Variants in AGXT observed in about 807,000 individuals in gnomAD.
The protein encoded by AGXT is L-alanine: glyoxylate aminotransferase 1.
Under a neutral mutation model 46.9 loss-of-function variants are expected in AGXT, and 41 were observed. The observed-to-expected ratio is 0.88, with a 90% CI of 0.68 to 1.14. The LOEUF is 1.14. AGXT is among the 50% of genes most tolerant of loss of function. AGXT has a pLI of 0.00. For missense variants in AGXT, 525 were observed against 522.7 expected (o/e 1.00, Z -0.04); for synonymous variants, 244 against 227.9 (o/e 1.07, Z -0.64).
At chr2:240,877,425 C>A in intron 8 of AGXT, 112 bp from the exon 9 acceptor site, 1 of 1,055,920 alleles carries the variant, frequency 9.5e-7, no homozygotes, top group Non-Finnish European at 1.4e-6. Flanking sequence ...GCTCCAGGGG[C>A]TCCCCTGCAC....
intron 9 of AGXT, 55 bp downstream of exon 9, chr2:240,877,687 C>G: frequency 6.6e-7 from 1 of 1,518,836 alleles, no homozygotes; most frequent in East Asian, 2.5e-5. Flanking sequence ...GGATGAGGGG[C>G]TCTTGCCCAG....
chr2:240,869,425 C>A, intron 2 of AGXT, 63 bp downstream of exon 2: 1 of 1,335,260 alleles, frequency 7.5e-7, no homozygotes, highest in South Asian at 1.4e-5. Context: ...CCTGGCCTCC[C>A]TCTGTTTGAA....
At chr2:240,877,509 C>CT in intron 8 of AGXT, 28 bp from the exon 9 acceptor site, 4 of 1,533,344 alleles carry the variant, frequency 2.6e-6, no homozygotes, top group Non-Finnish European at 3.5e-6. Context: ...ACCCATGTCA[C>CT]TGCCCACCAG....
Position 240,878,734 on chromosome 2 carries a change from G to A in AGXT, c.1092G>A (p.Leu364=). 1.3e-6 allele frequency: 2 copies of A among 1,570,772 alleles called. No individual in the cohort carries two copies. The highest frequency in any genetic ancestry group is 8.6e-7 in the Non-Finnish European group (1 of 1,162,108). The change falls in exon 11 of 11, where the codon CTG becomes CTA. Residue 364 remains leucine (L), a synonymous_variant. Coordinates refer to ENST00000307503, the MANE Select transcript of AGXT (RefSeq NM_000030.3). ...STGKVLRIGL[L]GCNATRENVD... ...CCCAGGTGCTGCGGATCGGCCTGCT[G>A]GGCTGCAATGCCACCCGCGAGAATG...
chr2:240,877,294 G>A, intron 8 of AGXT: 1 of 677,880 alleles, frequency 1.5e-6, no homozygotes, highest in Non-Finnish European at 2.7e-6. Flanking sequence ...TTCTCCCCCA[G>A]GGGCCACAGG....
rs369664123 is a variant in AGXT at position 240,878,753 on chromosome 2, G to A, written c.1111G>A (p.Glu371Lys). Residue 371 changes from glutamate (E) to lysine (K), a missense_variant, in exon 11 of 11, where the codon GAG becomes AAG. Glu to Lys is a moderately conservative substitution (Grantham distance 56). Coordinates refer to ENST00000307503, the MANE Select transcript of AGXT (RefSeq NM_000030.3). ...IGLLGCNATR[E>K]NVDRVTEALR... Reference sequence around the variant, plus strand: ...CCTGCTGGGCTGCAATGCCACCCGCGAGAATGTGGACCGCGTGACGGAGGC... The same window carrying A: ...CCTGCTGGGCTGCAATGCCACCCGCAAGAATGTGGACCGCGTGACGGAGGC... 220 of 1,587,266 alleles carry A rather than the reference G, an allele frequency of 1.4e-4. No homozygotes were observed. The highest frequency in any genetic ancestry group is 1.0e-4 in the Non-Finnish European group (118 of 1,170,642).
At chr2:240,870,729 G>T in intron 3 of AGXT, 21 bp downstream of exon 3, 1 of 1,551,394 alleles carries the variant, frequency 6.4e-7, no homozygotes, top group South Asian at 1.2e-5. Context: ...CGGGGTGGGG[G>T]TCAGGGCCGG....
At position 240,872,985 on chromosome 2, in the gene AGXT, G is replaced by A. The variant is rs1425185506; in HGVS notation, c.531G>A (p.Lys177=). The A allele has an allele frequency of 1.9e-6, 3 of 1,613,850 alleles. No individual in the cohort carries two copies. Among genetic ancestry groups the A allele is most frequent in the South Asian group, 1.1e-5 (1 of 91,080 alleles). Residue 177 remains lysine, a synonymous_variant, in exon 5 of 11, where the codon AAG becomes AAA. Coordinates refer to ENST00000307503, the MANE Select transcript of AGXT (RefSeq NM_000030.3). ...DGFGELCHRY[K]CLLLVDSVAS... The stretch of plus-strand genomic sequence containing the variant: ...CTGTCCCCCACCTCTCCAGGTACAA[G>A]TGCCTGCTCCTGGTGGATTCGGTGG...
At position 240,874,990 on chromosome 2, in the gene AGXT, C is replaced by T. The variant is rs569297663; in HGVS notation, c.681-119C>T. ...CCCCTGAGCACAAATGCAGCTGGGG[C>T]GGGCCCTCCTGGGGGCCCCACCCCG... On this transcript the variant is annotated intron_variant, in intron 6 of 10. Coordinates refer to ENST00000307503, the MANE Select transcript of AGXT (RefSeq NM_000030.3). 7.5e-5 allele frequency: 61 copies of T among 818,152 alleles called. 2 individuals carry two copies. Among genetic ancestry groups the T allele is most frequent in the South Asian group, 3.7e-4 (26 of 69,684 alleles). The allele number at this position is 818,152 out of a possible 1,614,324, so 50.7% of individuals were successfully genotyped here. A position where few individuals can be genotyped will look rare whatever the true frequency, so the allele number is the denominator to read the frequency against.
chr2:240,879,890 C>T lies in AGXT; in HGVS notation c.*1069C>T, dbSNP rs2059048966. 6.6e-6 allele frequency: 1 copy of T among 152,222 alleles called. No homozygotes were observed. Among genetic ancestry groups the T allele is most frequent in the Non-Finnish European group, 1.5e-5 (1 of 68,054 alleles). 9.4% of individuals were successfully genotyped at this position (152,222 alleles called of 1,614,324 possible). A position where few individuals can be genotyped will look rare whatever the true frequency, so the allele number is the denominator to read the frequency against. On this transcript the variant is annotated 3_prime_UTR_variant, in exon 11 of 11. Coordinates refer to ENST00000307503, the MANE Select transcript of AGXT (RefSeq NM_000030.3). The stretch of plus-strand genomic sequence containing the variant: ...TCTTTCACTTACTGTTTTTGACACT[C>T]ACATGTACCGTCGTGGGCGCCGGTG...
chr2:240,879,203 C>T lies in AGXT; in HGVS notation c.*382C>T, dbSNP rs898850099. On this transcript the variant is annotated 3_prime_UTR_variant, in exon 11 of 11. Coordinates refer to ENST00000307503, the MANE Select transcript of AGXT (RefSeq NM_000030.3). The stretch of plus-strand genomic sequence containing the variant: ...TGATTGTGGACTTTAGGGGGACACT[C>T]CTCATCCTGGAGCCCACAGGGTAGA... 6.0e-6 allele frequency: 2 copies of T among 333,676 alleles called. No individual in the cohort carries two copies. Among genetic ancestry groups the T allele is most frequent in the Non-Finnish European group, 1.1e-5 (2 of 174,602 alleles). The allele number at this position is 333,676 out of a possible 1,614,324, so 20.7% of individuals were successfully genotyped here.
rs117043148 is a variant in AGXT at position 240,870,737 on chromosome 2, C to T, written c.423+29C>T. 6,655 of 1,548,712 alleles carry T rather than the reference C, an allele frequency of 4.3e-3. 185 individuals carry two copies. The East Asian group carries it at 0.075, about 17-fold the overall frequency. On this transcript the variant is annotated intron_variant, in intron 3 of 10. Coordinates refer to ENST00000307503, the MANE Select transcript of AGXT (RefSeq NM_000030.3). ...GGGGACCCGGGGTGGGGGTCAGGGC[C>T]GGGAGGAGGTGGGAGTGGGCATGCT...
chr2:240,871,282 G>GGGTTTGT (rs1386852485), intron 3 of AGXT, 67 bp from the exon 4 acceptor site: 9 of 1,367,726 alleles, frequency 6.6e-6, no homozygotes, highest in Non-Finnish European at 8.1e-6. Context: ...CACCCATGGG[G>GGGTTTGT]GGTTTGTGGG....
Position 240,873,499 on chromosome 2 carries a change from C to T in AGXT, c.595+450C>T, listed in dbSNP as rs1382056894. 2.3e-5 allele frequency: 6 copies of T among 259,060 alleles called. No individual in the cohort carries two copies. In the East Asian group the frequency reaches 5.2e-4, roughly 22 times the overall value. 16.0% of individuals were successfully genotyped at this position (259,060 alleles called of 1,614,324 possible). ...CGCAGGGAACCTCAACCAGGCCGGC[C>T]GAGGGGCCAAGGAGCCTCCTGTGCC... On this transcript the variant is annotated intron_variant, in intron 5 of 10. Transcript: ENST00000307503.
At chr2:240,869,085 G>A (rs973363987) in intron 1 of AGXT, 55 bp downstream of exon 1, 25 of 1,611,640 alleles carry the variant, frequency 1.6e-5, no homozygotes, top group Non-Finnish European at 2.1e-5. Context: ...CCCACCCACA[G>A]ATCGTGGACG....
In AGXT at chr2:240,879,106, G is replaced by A. The variant is rs567385270; in HGVS notation, c.*285G>A. On this transcript the variant is annotated 3_prime_UTR_variant, in exon 11 of 11. Coordinates refer to ENST00000307503, the MANE Select transcript of AGXT (RefSeq NM_000030.3). ...CCGGGAATGTTTAATAAAGGGCCTG[G>A]CCAACTCTCCTCACTGTGTGGGGTG... 253 of 555,790 alleles carry A rather than the reference G, an allele frequency of 4.6e-4. 4 individuals are homozygous for A. The South Asian group carries it at 4.9e-3, about 11-fold the overall frequency. 34.4% of individuals were successfully genotyped at this position (555,790 alleles called of 1,614,324 possible). A position where few individuals can be genotyped will look rare whatever the true frequency, so the allele number is the denominator to read the frequency against.
In AGXT at chr2:240,868,845, G is replaced by T; in HGVS notation, c.-21G>T. ...GGCCAGTGCAGCCCCAGGTTCCCGA[G>T]CGGCAGGTTGGGTGCGGACCATGGC... On this transcript the variant is annotated 5_prime_UTR_variant, in exon 1 of 11. Coordinates refer to ENST00000307503, the MANE Select transcript of AGXT (RefSeq NM_000030.3). The T allele has an allele frequency of 6.2e-7, 1 of 1,603,666 alleles. No individual in the cohort carries two copies. Among genetic ancestry groups the T allele is most frequent in the African/African-American group, 1.3e-5 (1 of 74,882 alleles).
At chr2:240,874,090 G>A (rs1267238103) in intron 6 of AGXT, 28 bp downstream of exon 6, 1 of 1,608,856 alleles carries the variant, frequency 6.2e-7, no homozygotes, top group Middle Eastern at 1.7e-4. Context: ...CCTCACCTCT[G>A]TGCAGGGCTG....
At position 240,868,846 on chromosome 2, in the gene AGXT, C is replaced by A. The variant is rs372170207; in HGVS notation, c.-20C>A. 5.0e-6 allele frequency: 8 copies of A among 1,603,692 alleles called. No homozygotes were observed. The South Asian group carries it at 7.8e-5, about 16-fold the overall frequency. ...GCCAGTGCAGCCCCAGGTTCCCGAGCGGCAGGTTGGGTGCGGACCATGGCC... is the reference window on the plus strand; with the variant it reads ...GCCAGTGCAGCCCCAGGTTCCCGAGAGGCAGGTTGGGTGCGGACCATGGCC... On this transcript the variant is annotated 5_prime_UTR_variant, in exon 1 of 11. Transcript: ENST00000307503.
Sources: gnomAD v4.1 joint callset for allele counts on GRCh38, gnomAD v4.1.1 for gene constraint, MANE v1.5 for transcripts, NCBI Gene and HGNC (gene_info 2026-07-23, HGNC 2026-07-21) for gene names.